Variants in SLC24A2 observed in about 807,000 individuals in gnomAD.
The protein encoded by SLC24A2 is sodium/potassium/calcium exchanger 2.
In SLC24A2, 36 loss-of-function variants were observed where a neutral mutation model predicts 62.0. The observed-to-expected ratio is 0.58, with a 90% CI of 0.44 to 0.77. The LOEUF is 0.77. SLC24A2 is among the 30% of genes least tolerant of loss of function. The probability of loss-of-function intolerance (pLI) is 0.00; values close to 1 mark genes in which losing one functional copy is unlikely to be tolerated. For missense variants in SLC24A2, 846 were observed against 817.9 expected (o/e 1.03, Z -0.42); for synonymous variants, 358 against 294.0 (o/e 1.22, Z -2.23).
the SLC24A2 span, among the ~76,000 whole-genome samples, chr9:20,146,574 C>A: frequency 3.3e-5 from 5 of 152,142 alleles, no homozygotes; most frequent in African/African-American, 9.6e-5. Context: ...AAACTCTCTG[C>A]CAGTCTGTGT....
At chr9:19,888,105 G>C in the SLC24A2 span, among the ~76,000 whole-genome samples, 1 of 152,112 alleles carries the variant, frequency 6.6e-6, no homozygotes, top group African/African-American at 2.4e-5. Flanking sequence ...AATAGCACCT[G>C]TTCCCCCAAA....
chr9:20,048,921 TA>T, the SLC24A2 span, among the ~76,000 whole-genome samples: 1 of 151,458 alleles, frequency 6.6e-6, no homozygotes, highest in Non-Finnish European at 1.5e-5. Context: ...TTTATTTATG[TA>T]TTTTTTATTT....
chr9:20,008,333 A>C, the SLC24A2 span, among the ~76,000 whole-genome samples: 2 of 152,078 alleles, frequency 1.3e-5, no homozygotes, highest in African/African-American at 4.8e-5. Flanking sequence ...GGCTGTCTAC[A>C]GAGGTGTCTT....
the SLC24A2 span, among the ~76,000 whole-genome samples, chr9:20,215,097 A>T: frequency 6.6e-6 from 1 of 152,240 alleles, no homozygotes; most frequent in Non-Finnish European, 1.5e-5. Context: ...GTCCAAGATC[A>T]AGGCGTTGGC....
At chr9:19,778,830 G>C (rs1037620865) in intron 2 of SLC24A2, among the ~76,000 whole-genome samples, 3 of 151,880 alleles carry the variant, frequency 2.0e-5, no homozygotes, top group African/African-American at 7.3e-5. Context: ...AACAAAACTA[G>C]ACCCACAAAG....
the SLC24A2 span, among the ~76,000 whole-genome samples, chr9:20,094,019 G>A: frequency 7.1e-4 from 108 of 152,124 alleles, 1 homozygote; most frequent in African/African-American, 1.7e-4. Context: ...GAGTTTTCAC[G>A]GAGTCTATGA....
At chr9:19,545,130 C>A (rs1234775792) in intron 8 of SLC24A2, among the ~76,000 whole-genome samples, 3 of 152,016 alleles carry the variant, frequency 2.0e-5, no homozygotes, top group Admixed American at 2.0e-4. Flanking sequence ...TGATCCCTTT[C>A]ATCCTTTTTT....
At chr9:19,872,886 G>A in the SLC24A2 span, among the ~76,000 whole-genome samples, 4 of 152,068 alleles carry the variant, frequency 2.6e-5, no homozygotes, top group South Asian at 2.1e-4. Flanking sequence ...CCAGAGCCCC[G>A]GTAATAAAGT....
the SLC24A2 span, among the ~76,000 whole-genome samples, chr9:20,123,833 A>G: frequency 6.6e-6 from 1 of 152,224 alleles, no homozygotes; most frequent in Non-Finnish European, 1.5e-5. Context: ...AAAGAAAAAT[A>G]GTAAGCATCA....
At chr9:20,252,392 T>C in the SLC24A2 span, among the ~76,000 whole-genome samples, 3 of 152,346 alleles carry the variant, frequency 2.0e-5, no homozygotes, top group East Asian at 5.8e-4. Flanking sequence ...AGGAACCAGC[T>C]GAGCACTGTG....
the SLC24A2 span, among the ~76,000 whole-genome samples, chr9:20,044,638 A>G: frequency 9.1e-5 from 10 of 109,620 alleles, no homozygotes; most frequent in Admixed American, 3.2e-4. Flanking sequence ...GGGGATAAAA[A>G]TTATACAATG....
the SLC24A2 span, among the ~76,000 whole-genome samples, chr9:20,179,169 T>C: frequency 4.6e-5 from 7 of 152,068 alleles, no homozygotes; most frequent in African/African-American, 1.7e-4. Context: ...GTAGAAATCA[T>C]GAGTAAGTGG....
At chr9:19,571,571 C>T (rs1304491984) in intron 7 of SLC24A2, among the ~76,000 whole-genome samples, 1 of 152,166 alleles carries the variant, frequency 6.6e-6, no homozygotes, top group Non-Finnish European at 1.5e-5. Flanking sequence ...ACAGCATCAG[C>T]ATCACTGGGG....
the SLC24A2 span, among the ~76,000 whole-genome samples, chr9:19,944,601 C>T: frequency 4.6e-5 from 7 of 152,282 alleles, no homozygotes; most frequent in African/African-American, 1.2e-4. Context: ...TATTTCAAGA[C>T]GTAAACGCCA....
At chr9:20,136,882 T>G in the SLC24A2 span, among the ~76,000 whole-genome samples, 1 of 152,166 alleles carries the variant, frequency 6.6e-6, no homozygotes, top group East Asian at 1.9e-4. Flanking sequence ...TAATACCACC[T>G]TTTTAACCTT....
the SLC24A2 span, among the ~76,000 whole-genome samples, chr9:19,869,884 G>A: frequency 6.6e-6 from 1 of 152,248 alleles, no homozygotes; most frequent in East Asian, 1.9e-4. Flanking sequence ...ACTGTCTGGT[G>A]TCACTTCCTT....
chr9:20,137,792 T>C, the SLC24A2 span, among the ~76,000 whole-genome samples: 1 of 152,194 alleles, frequency 6.6e-6, no homozygotes, highest in African/African-American at 2.4e-5. Context: ...CCTCACATGT[T>C]GAATGAAAAA....
At chr9:19,717,162 G>T (rs1820883877) in intron 2 of SLC24A2, among the ~76,000 whole-genome samples, 1 of 152,234 alleles carries the variant, frequency 6.6e-6, no homozygotes, top group East Asian at 1.9e-4. Flanking sequence ...GAATTAGAAG[G>T]TAACAGTTAA....
the SLC24A2 span, among the ~76,000 whole-genome samples, chr9:19,858,260 C>G: frequency 6.6e-6 from 1 of 152,034 alleles, no homozygotes; most frequent in Non-Finnish European, 1.5e-5. Flanking sequence ...GGGGAAAGGA[C>G]TACATATTCA....
Sources: gnomAD v4.1 joint callset for allele counts (sites outside exome capture counted in the v4.1 genomes callset) on GRCh38, gnomAD v4.1.1 for gene constraint, MANE v1.5 for transcripts, NCBI Gene and HGNC (gene_info 2026-07-23, HGNC 2026-07-21) for gene names.